The following PSD3 variants were observed in gnomAD, a reference collection of about 807,000 sequenced individuals.
The protein encoded by PSD3 is PH and SEC7 domain-containing protein 3.
In PSD3, 49 loss-of-function variants were observed where a neutral mutation model predicts 105.5. The ratio of observed to expected loss-of-function variants is 0.46; its 90% confidence interval spans 0.37 to 0.59. PSD3 has a LOEUF of 0.59. Among genes scored for constraint, PSD3 ranks in the 20% least tolerant of loss-of-function variants. The pLI is 0.00. For synonymous variants in PSD3, 557 were observed against 457.8 expected, an observed-to-expected ratio of 1.22 and a Z score of -2.77; for missense variants, 1,561 against 1,263.8, an observed-to-expected ratio of 1.24 and a Z score of -3.57.
At chr8:19,062,830 C>G (rs1828949627) in intron 1 of PSD3, among the ~76,000 whole-genome samples, 1 of 152,112 alleles carries the variant, frequency 6.6e-6, no homozygotes, top group Non-Finnish European at 1.5e-5. Context: ...TGTGATCACT[C>G]ACGTATGAAA....
intron 11 of PSD3, among the ~76,000 whole-genome samples, chr8:18,612,496 C>T (rs950335507): frequency 6.6e-6 from 1 of 152,116 alleles, no homozygotes; most frequent in Non-Finnish European, 1.5e-5. Context: ...CCTCAGCTTC[C>T]CCAATAGCTG....
Position 18,533,439 on chromosome 8 carries a change from G to GTTAA in PSD3, c.*2300_*2303dup, listed in dbSNP as rs1219808809. The GTTAA allele has an allele frequency of 6.6e-6, 1 of 152,200 alleles. No homozygotes were observed. The highest frequency in any genetic ancestry group is 1.5e-5 in the Non-Finnish European group (1 of 68,044). The allele number at this position is 152,200 out of a possible 1,614,324, so 9.4% of individuals were successfully genotyped here. On this transcript the variant is annotated 3_prime_UTR_variant, in exon 16 of 16. Coordinates refer to ENST00000327040, the MANE Select transcript of PSD3 (RefSeq NM_015310.4). ...ATTAGCCTATCCAGAAGTCCCTGGAGTTAATATTAGTGACTCATATGACAC... is the reference window on the plus strand; with the variant it reads ...ATTAGCCTATCCAGAAGTCCCTGGAGTTAATTAATATTAGTGACTCATATGACAC...
intron 4 of PSD3, among the ~76,000 whole-genome samples, chr8:18,853,746 A>T (rs1815776357): frequency 2.0e-5 from 3 of 152,160 alleles, no homozygotes; most frequent in Admixed American, 2.0e-4. Flanking sequence ...AGCTCAAATT[A>T]GTGACCTTCC....
chr8:18,581,411 T>C (rs990931678), intron 12 of PSD3, among the ~76,000 whole-genome samples: 8 of 152,162 alleles, frequency 5.3e-5, no homozygotes, highest in East Asian at 1.9e-4. Flanking sequence ...AAAACACAGA[T>C]AGGAGTGTGC....
intron 1 of PSD3, among the ~76,000 whole-genome samples, chr8:18,937,939 A>C (rs1010652242): frequency 1.3e-5 from 2 of 152,022 alleles, no homozygotes; most frequent in African/African-American, 4.8e-5. Context: ...TAAGGAATGG[A>C]AGGATGGATG....
chr8:18,868,396 C>G (rs1444103847), intron 3 of PSD3, among the ~76,000 whole-genome samples: 1 of 152,138 alleles, frequency 6.6e-6, no homozygotes, highest in Non-Finnish European at 1.5e-5. Flanking sequence ...TTATTTGCAA[C>G]TACCAGCATT....
intron 8 of PSD3, among the ~76,000 whole-genome samples, chr8:18,779,309 T>C (rs931033667): frequency 2.6e-5 from 4 of 152,058 alleles, no homozygotes; most frequent in African/African-American, 9.7e-5. Flanking sequence ...CCTTTTTTGG[T>C]TGGGATTTTA....
chr8:18,745,006 T>C (rs1345566098), intron 9 of PSD3, among the ~76,000 whole-genome samples: 1 of 152,220 alleles, frequency 6.6e-6, no homozygotes, highest in African/African-American at 2.4e-5. Flanking sequence ...GTTAGGCATT[T>C]TGGGAAAGAG....
intron 11 of PSD3, among the ~76,000 whole-genome samples, chr8:18,616,091 G>C (rs1029299207): frequency 6.6e-6 from 1 of 152,206 alleles, no homozygotes; most frequent in African/African-American, 2.4e-5. Context: ...CTACTGATAG[G>C]TGTTCCTGGC....
chr8:18,688,834 C>T (rs1211025751), intron 9 of PSD3, among the ~76,000 whole-genome samples: 4 of 152,198 alleles, frequency 2.6e-5, no homozygotes, highest in Non-Finnish European at 5.9e-5. Flanking sequence ...ACAGAGACAG[C>T]CGAGCCGGCT....
intron 1 of PSD3, among the ~76,000 whole-genome samples, chr8:18,943,921 G>A (rs1822707199): frequency 4.6e-5 from 7 of 152,078 alleles, no homozygotes; most frequent in South Asian, 2.1e-4. Flanking sequence ...AGTTTTCACT[G>A]AGGAATGCAG....
intron 11 of PSD3, among the ~76,000 whole-genome samples, chr8:18,603,149 G>A (rs1804560434): frequency 6.6e-6 from 1 of 152,184 alleles, no homozygotes; most frequent in South Asian, 2.1e-4. Context: ...TTTTACATGT[G>A]AGCCCATCTT....
intron 9 of PSD3, among the ~76,000 whole-genome samples, chr8:18,762,389 C>A (rs1358273281): frequency 1.3e-5 from 2 of 152,196 alleles, no homozygotes; most frequent in African/African-American, 4.8e-5. Context: ...GCTTTCTGTA[C>A]AGCCCGCAGA....
At chr8:18,842,246 T>C (rs1170604686) in intron 4 of PSD3, among the ~76,000 whole-genome samples, 1 of 152,216 alleles carries the variant, frequency 6.6e-6, no homozygotes, top group Non-Finnish European at 1.5e-5. Context: ...ACTATGTGAA[T>C]TCCCATAAAC....
intron 6 of PSD3, among the ~76,000 whole-genome samples, chr8:18,803,581 C>A (rs1173409941): frequency 6.6e-6 from 1 of 151,998 alleles, no homozygotes; most frequent in East Asian, 1.9e-4. Context: ...TATATATATT[C>A]CCCATAATGG....
chr8:19,046,180 C>G (rs139302420), intron 1 of PSD3, among the ~76,000 whole-genome samples: 2 of 152,074 alleles, frequency 1.3e-5, no homozygotes, highest in Admixed American at 1.3e-4. Flanking sequence ...GGCCTGATCT[C>G]GGCTCACTGC....
At chr8:18,947,543 G>A (rs1822944134) in intron 1 of PSD3, among the ~76,000 whole-genome samples, 3 of 152,216 alleles carry the variant, frequency 2.0e-5, no homozygotes, top group Admixed American at 1.3e-4. Context: ...AGGGGTCAGG[G>A]AGCGGCGGCC....
intron 1 of PSD3, among the ~76,000 whole-genome samples, chr8:18,945,367 G>C (rs1196891052): frequency 6.6e-6 from 1 of 152,220 alleles, no homozygotes; most frequent in African/African-American, 2.4e-5. Flanking sequence ...AGTAGAGCCA[G>C]AGATAAGATA....
At chr8:19,013,456 GC>G in intron 1 of PSD3, 106 bp downstream of exon 1, 5 of 1,463,906 alleles carry the variant, frequency 3.4e-6, no homozygotes, top group Admixed American at 1.8e-5. Context: ...AACCCAGGTG[GC>G]CCCGGGATCC....
Sources: gnomAD v4.1 joint callset for allele counts (sites outside exome capture counted in the v4.1 genomes callset) on GRCh38, gnomAD v4.1.1 for gene constraint, MANE v1.5 for transcripts, NCBI Gene and HGNC (gene_info 2026-07-23, HGNC 2026-07-21) for gene names.